The following PDK2 variants were observed in gnomAD, a reference collection of about 807,000 sequenced individuals.
The protein encoded by PDK2 is pyruvate dehydrogenase kinase, isozyme 2.
A neutral mutation model predicts 50.4 loss-of-function variants in PDK2; 34 were observed. That is an observed-to-expected ratio of 0.68 (90% CI 0.51 to 0.90). The LOEUF is 0.90. Ranked by LOEUF, PDK2 falls within the 40% of genes least tolerant of loss-of-function variation. The probability of loss-of-function intolerance (pLI) is 0.00; values close to 1 mark genes in which losing one functional copy is unlikely to be tolerated. For missense variants in PDK2, 377 were observed against 544.5 expected (o/e 0.69, Z 3.06); for synonymous variants, 232 against 216.0 (o/e 1.07, Z -0.65).
At chr17:50,098,502 G>A (rs1910060451) in intron 2 of PDK2, 1 of 152,144 alleles carries the variant, frequency 6.6e-6, no homozygotes, top group Non-Finnish European at 1.5e-5. Flanking sequence ...ATTTAAATTA[G>A]GAATCCAAAC....
chr17:50,103,742 C>T (rs996173415), intron 2 of PDK2, among the ~76,000 whole-genome samples: 2 of 152,144 alleles, frequency 1.3e-5, no homozygotes, highest in Non-Finnish European at 2.9e-5. Context: ...GCATTCCTAG[C>T]AGAGGGCACT....
Position 50,105,921 on chromosome 17 carries a change from C to T in PDK2, c.369C>T (p.His123=), listed in dbSNP as rs1910484365. The T allele has an allele frequency of 6.2e-7, 1 of 1,613,600 alleles. No individual in the cohort carries two copies. The highest frequency in any genetic ancestry group is 1.3e-5 in the African/African-American group (1 of 74,922). Residue 123 remains histidine (H), a synonymous_variant, in exon 4 of 11, where the codon CAC becomes CAT. Transcript: ENST00000503176. ...CCCTGGTCACCATCCGGAACCGGCACAACGACGTGGTGCCCACCATGGCAC... is the reference window on the plus strand; with the variant it reads ...CCCTGGTCACCATCCGGAACCGGCATAACGACGTGGTGCCCACCATGGCAC... ...TDALVTIRNR[H]NDVVPTMAQG... is the part of the protein sequence containing the mutation.
intron 2 of PDK2, chr17:50,105,139 G>A (rs1910438677): frequency 2.2e-6 from 1 of 464,392 alleles, no homozygotes; most frequent in Non-Finnish European, 3.8e-6. Flanking sequence ...CAAAGCAAAG[G>A]TGCTAAACGG....
Position 50,109,974 on chromosome 17 carries a change from G to C in PDK2, c.1101G>C (p.Ser367=), listed in dbSNP as rs1443245664. Residue 367 remains serine, a synonymous_variant, in exon 11 of 11, where the codon TCG becomes TCC. Transcript: ENST00000503176. The surrounding 1 kb of genome is among the most constrained non-coding windows in gnomAD (Gnocchi z 5.0). ...CTCCCCAGGCCCTGTCCACGGACTC[G>C]GTGGAGCGCCTGCCTGTCTACAACA... ...VIYLKALSTD[S]VERLPVYNKS... is the part of the protein sequence containing the mutation. 3.8e-6 allele frequency: 6 copies of C among 1,577,370 alleles called. No homozygotes were observed. Among genetic ancestry groups the C allele is most frequent in the Non-Finnish European group, 8.6e-7 (1 of 1,161,360 alleles).
At position 50,110,106 on chromosome 17, in the gene PDK2, G is replaced by C. The variant is rs60269840; in HGVS notation, c.*9G>C. 4 of 1,591,478 alleles carry C rather than the reference G, an allele frequency of 2.5e-6. No homozygotes were observed. The highest frequency in any genetic ancestry group is 3.4e-6 in the Non-Finnish European group (4 of 1,166,490). On this transcript the variant is annotated 3_prime_UTR_variant, in exon 11 of 11. Transcript: ENST00000503176. Reference sequence around the variant, plus strand: ...CGTACCGCGTCAGCTAAGGGCCGCCGTGCATCTGCACCTGAGAGGACGGAC... The same window carrying C: ...CGTACCGCGTCAGCTAAGGGCCGCCCTGCATCTGCACCTGAGAGGACGGAC...
At chr17:50,097,737 G>C in intron 2 of PDK2, 173 bp downstream of exon 2, 1 of 643,990 alleles carries the variant, frequency 1.6e-6, no homozygotes, top group East Asian at 2.8e-5. Flanking sequence ...TCTGAGGCCA[G>C]AGCAGGACTG....
chr17:50,107,067 TTC>T lies in PDK2; in HGVS notation c.608-4_608-3del, dbSNP rs749525948. On this transcript the variant is annotated splice_polypyrimidine_tract_variant and splice_region_variant and intron_variant, in intron 5 of 10. Transcript: ENST00000503176. ...CACCCATGCCCTGAATGACCCCATC[TTC>T]TCTCAGATGCCTACGACATGGCTAA... The T allele has an allele frequency of 1.9e-6, 3 of 1,613,784 alleles. No homozygotes were observed. The South Asian group carries it at 3.3e-5, about 18-fold the overall frequency.
intron 1 of PDK2, chr17:50,095,902 G>A: frequency 1.4e-6 from 1 of 689,952 alleles, no homozygotes; most frequent in African/African-American, 1.9e-5. Flanking sequence ...CCTCATGACT[G>A]GAGGAGTAGG....
At position 50,110,596 on chromosome 17, in the gene PDK2, G is replaced by A. The variant is rs896979551; in HGVS notation, c.*499G>A. ...GTGGGGAAAGGAGTTACACCCGTGA[G>A]TGGGGAATGAGGCTGGTCCTGCAGC... On this transcript the variant is annotated 3_prime_UTR_variant, in exon 11 of 11. Coordinates refer to ENST00000503176, the MANE Select transcript of PDK2 (RefSeq NM_002611.5). The A allele has an allele frequency of 2.0e-5, 3 of 152,440 alleles. No individual in the cohort carries two copies. The highest frequency in any genetic ancestry group is 7.2e-5 in the African/African-American group (3 of 41,462). The allele number at this position is 152,440 out of a possible 1,614,324, so 9.4% of individuals were successfully genotyped here.
Position 50,108,166 on chromosome 17 carries a change from C to G in PDK2, c.696C>G (p.Ser232=). The change falls in exon 7 of 11, where the codon TCC becomes TCG. Residue 232 remains serine, a synonymous_variant. Transcript: ENST00000503176. ...LEIQEINAAN[S]KQPIHMVYVP... is the part of the protein sequence containing the mutation. ...TGACTTGCCCTGTAGCAGCCAACTC[C>G]AAACAGCCGATTCACATGGTCTACG... 6.3e-7 allele frequency: 1 copy of G among 1,593,286 alleles called. No individual in the cohort carries two copies. Among genetic ancestry groups the G allele is most frequent in the Non-Finnish European group, 8.6e-7 (1 of 1,168,460 alleles).
In PDK2 at chr17:50,108,154, A is replaced by G. The variant is rs1910616616; in HGVS notation, c.686-2A>G. The G allele has an allele frequency of 6.3e-7, 1 of 1,588,656 alleles. No homozygotes were observed. Among genetic ancestry groups the G allele is most frequent in the Admixed American group, 1.8e-5 (1 of 56,490 alleles). On this transcript the variant is annotated splice_acceptor_variant, in intron 6 of 10. Coordinates refer to ENST00000503176, the MANE Select transcript of PDK2 (RefSeq NM_002611.5). LOFTEE classifies it high-confidence loss of function. ...GACCCTTGGTCTTGACTTGCCCTGT[A>G]GCAGCCAACTCCAAACAGCCGATTC...
Position 50,109,973 on chromosome 17 carries a change from C to A in PDK2, c.1100C>A (p.Ser367Ter). 6.3e-7 allele frequency: 1 copy of A among 1,575,516 alleles called. No individual in the cohort carries two copies. The highest frequency in any genetic ancestry group is 2.3e-5 in the East Asian group (1 of 42,856). Residue 367 changes from serine to a stop codon, truncating the protein, a stop_gained, in exon 11 of 11, where the codon TCG becomes TAG. Transcript: ENST00000503176. LOFTEE classifies it high-confidence loss of function. This position sits in a 1 kb window ranked among gnomAD's most constrained non-coding sequence, Gnocchi z 5.0. ...ACTCCCCAGGCCCTGTCCACGGACT[C>A]GGTGGAGCGCCTGCCTGTCTACAAC... ...VIYLKALSTD[S>*]VERLPVYNKS...
chr17:50,095,532 A>G lies in PDK2; in HGVS notation c.97A>G (p.Met33Val). The G allele has an allele frequency of 1.2e-6, 2 of 1,606,988 alleles. No homozygotes were observed. The highest frequency in any genetic ancestry group is 1.7e-6 in the Non-Finnish European group (2 of 1,176,858). The change falls in exon 1 of 11, where the codon ATG becomes GTG. Residue 33 changes from methionine (M) to valine (V), a missense_variant. Met to Val is a conservative substitution (Grantham distance 21). This residue lies in a region of PDK2 where 100 missense variants were observed against 115.5 expected (regional missense o/e 0.87). Transcript: ENST00000503176. ...CAAGTTCTCCCCGTCCCCGCTGTCC[A>G]TGAAGCAGTTTCTGGACTTCGGTAC... ...FSKFSPSPLS[M>V]KQFLDFGSSN... is the part of the protein sequence containing the mutation.
At position 50,107,088 on chromosome 17, in the gene PDK2, T is replaced by C. The variant is rs376531127; in HGVS notation, c.620T>C (p.Met207Thr). The C allele has an allele frequency of 2.4e-5, 38 of 1,613,928 alleles. No homozygotes were observed. The highest frequency in any genetic ancestry group is 3.3e-5 in the Admixed American group (2 of 59,988). ...CATCTTCTCTCAGATGCCTACGACATGGCTAAGCTCCTGTGTGACAAGTAT... is the reference window on the plus strand; with the variant it reads ...CATCTTCTCTCAGATGCCTACGACACGGCTAAGCTCCTGTGTGACAAGTAT... Reference protein sequence around the residue: ...VSEVVKDAYDMAKLLCDKYYM... With the variant: ...VSEVVKDAYDTAKLLCDKYYM... The change falls in exon 6 of 11, where the codon ATG (methionine) becomes ACG (threonine). Residue 207 changes from methionine to threonine, a missense_variant. Coordinates refer to ENST00000503176, the MANE Select transcript of PDK2 (RefSeq NM_002611.5).
chr17:50,106,892 T>G lies in PDK2; in HGVS notation c.607+9T>G. 6.2e-7 allele frequency: 1 copy of G among 1,611,832 alleles called. No individual in the cohort carries two copies. Among genetic ancestry groups the G allele is most frequent in the Non-Finnish European group, 8.5e-7 (1 of 1,177,992 alleles). On this transcript the variant is annotated intron_variant, in intron 5 of 10. Coordinates refer to ENST00000503176, the MANE Select transcript of PDK2 (RefSeq NM_002611.5). ...CTCTGAGGTGGTCAAAGGTGAGCCATTCCCACGGTGCCTGGCCCGCAGAGA... is the reference window on the plus strand; with the variant it reads ...CTCTGAGGTGGTCAAAGGTGAGCCAGTCCCACGGTGCCTGGCCCGCAGAGA...
Position 50,109,348 on chromosome 17 carries a change from T to TGCA in PDK2, c.1034_1036dup (p.Gln345dup). The stretch of plus-strand genomic sequence containing the variant: ...TACGCCAAGTACTTCCAGGGAGACC[T>TGCA]GCAGCTCTTCTCCATGGAAGGCTTT... On this transcript the variant is annotated inframe_insertion, in exon 10 of 11. Transcript: ENST00000503176. The surrounding 1 kb of genome is among the most constrained non-coding windows in gnomAD (Gnocchi z 5.0). 3 of 1,613,782 alleles carry TGCA rather than the reference T, an allele frequency of 1.9e-6. No homozygotes were observed. The highest frequency in any genetic ancestry group is 2.5e-6 in the Non-Finnish European group (3 of 1,179,874).
chr17:50,109,495 C>T lies in PDK2; in HGVS notation c.1083+95C>T. 1 of 664,552 alleles carries T rather than the reference C, an allele frequency of 1.5e-6. No individual in the cohort carries two copies. The highest frequency in any genetic ancestry group is 2.5e-6 in the Non-Finnish European group (1 of 395,530). 41.2% of individuals were successfully genotyped at this position (664,552 alleles called of 1,614,324 possible). A position where few individuals can be genotyped will look rare whatever the true frequency, so the allele number is the denominator to read the frequency against. ...GCTGCGAGCTTTCCTTTCCATCCCCCCAGTCCTTCCCTGGCCCCAGACTCT... is the reference window on the plus strand; with the variant it reads ...GCTGCGAGCTTTCCTTTCCATCCCCTCAGTCCTTCCCTGGCCCCAGACTCT... On this transcript the variant is annotated intron_variant, in intron 10 of 10. Coordinates refer to ENST00000503176, the MANE Select transcript of PDK2 (RefSeq NM_002611.5). The surrounding 1 kb of genome is among the most constrained non-coding windows in gnomAD (Gnocchi z 5.0).
intron 2 of PDK2, among the ~76,000 whole-genome samples, chr17:50,103,808 A>C (rs1024045312): frequency 1.3e-5 from 2 of 152,188 alleles, no homozygotes; most frequent in Non-Finnish European, 2.9e-5. Flanking sequence ...CTGGAGTGGC[A>C]AGAGCGCTGG....
intron 3 of PDK2, 131 bp downstream of exon 3, chr17:50,105,573 G>T: frequency 1.3e-6 from 1 of 761,518 alleles, no homozygotes; most frequent in South Asian, 1.8e-5. Flanking sequence ...CAGTCTGAGT[G>T]GGGAGACAGA....
Sources: allele counts gnomAD v4.1 joint callset (sites outside exome capture counted in the v4.1 genomes callset), GRCh38; gene constraint gnomAD v4.1.1; regional missense constraint gnomAD v4.1.1; non-coding constraint Gnocchi (gnomAD v3.1); transcripts MANE v1.5; gene names NCBI Gene and HGNC (gene_info 2026-07-23, HGNC 2026-07-21).